MYCBP2: variants seen among roughly 807,000 people sequenced by gnomAD.
MYCBP2 encodes the protein MYC binding protein 2.
In MYCBP2, 120 loss-of-function variants were observed where a neutral mutation model predicts 525.3. The observed-to-expected ratio is 0.23, with a 90% CI of 0.20 to 0.27. The LOEUF is 0.27. MYCBP2 is among the 10% of genes least tolerant of loss of function. The pLI is 1.00. For missense variants in MYCBP2, 4,149 were observed against 5,657.1 expected, an observed-to-expected ratio of 0.73 and a Z score of 8.55; for synonymous variants, 1,894 against 1,955.8, an observed-to-expected ratio of 0.97 and a Z score of 0.83.
In MYCBP2 at chr13:77,185,852, T is replaced by A. The variant is rs1566851069; in HGVS notation, c.4444+19A>T. ...CTAATATTTTCTCCCTATAGTCATT[T>A]AAAAAAAATGCATCATACCTGACAC... On this transcript the variant is annotated intron_variant, in intron 31 of 82. Coordinates refer to ENST00000544440, the MANE Select transcript of MYCBP2 (RefSeq NM_015057.5). 2 of 1,519,702 alleles carry A rather than the reference T, an allele frequency of 1.3e-6. No homozygotes were observed. Among genetic ancestry groups the A allele is most frequent in the Non-Finnish European group, 1.8e-6 (2 of 1,132,112 alleles). 94.1% of individuals were successfully genotyped at this position (1,519,702 alleles called of 1,614,324 possible).
intron 44 of MYCBP2, among the ~76,000 whole-genome samples, 157 bp downstream of exon 44, chr13:77,161,749 A>T (rs2057951602): frequency 6.6e-6 from 1 of 152,206 alleles, no homozygotes. Flanking sequence ...CTCCCACCAA[A>T]GGGAGCAATG....
At chr13:77,055,143 AAAG>A (rs33953434) in intron 80 of MYCBP2, among the ~76,000 whole-genome samples, 63,730 of 149,342 alleles carry the variant, frequency 0.43, 16,805 homozygotes, top group Non-Finnish European at 0.61. Flanking sequence ...AAAAAAAAAA[AAAG>A]AAGAAGTAGT....
chr13:77,072,790 GT>G (rs1211087553), intron 68 of MYCBP2, among the ~76,000 whole-genome samples: 1 of 152,136 alleles, frequency 6.6e-6, no homozygotes, highest in Admixed American at 6.5e-5. Flanking sequence ...AATTGCTTGA[GT>G]GTCAGAACTA....
chr13:77,174,851 A>G (rs1198312313), intron 36 of MYCBP2, among the ~76,000 whole-genome samples: 1 of 132,608 alleles, frequency 7.5e-6, no homozygotes, highest in African/African-American at 3.2e-5. Context: ...AACACAACCA[A>G]TGTAACTAGT....
Position 77,090,180 on chromosome 13 carries a change from T to C in MYCBP2, c.10451A>G (p.Tyr3484Cys). ...QRSYSVVASE[Y>C]DKQHSILPAR... Reference sequence around the variant, plus strand: ...AGGTAAAATGGAGTGTTGTTTATCATATTCGGAAGCAACAACTGAGTATGA... The same window carrying C: ...AGGTAAAATGGAGTGTTGTTTATCACATTCGGAAGCAACAACTGAGTATGA... Residue 3484 changes from tyrosine (Y) to cysteine (C), a missense_variant, in exon 60 of 83, where the codon TAT becomes TGT. By Grantham distance (194) the Tyr-to-Cys change is radical. This residue lies in a region of MYCBP2 where 509 missense variants were observed against 789.4 expected (regional missense o/e 0.64). Coordinates refer to ENST00000544440, the MANE Select transcript of MYCBP2 (RefSeq NM_015057.5). 6.2e-7 allele frequency: 1 copy of C among 1,612,918 alleles called. No homozygotes were observed. The highest frequency in any genetic ancestry group is 8.5e-7 in the Non-Finnish European group (1 of 1,179,268).
intron 37 of MYCBP2, among the ~76,000 whole-genome samples, chr13:77,172,280 T>C (rs960995959): frequency 6.6e-6 from 1 of 151,752 alleles, no homozygotes; most frequent in Admixed American, 6.6e-5. Context: ...TACTGGTGAA[T>C]TAAAGGAACA....
intron 1 of MYCBP2, among the ~76,000 whole-genome samples, chr13:77,312,212 C>CTGGGG (rs2080338120): frequency 6.6e-6 from 1 of 152,086 alleles, no homozygotes; most frequent in South Asian, 2.1e-4. Flanking sequence ...AATGTATCCC[C>CTGGGG]AGCAGACTGA....
chr13:77,225,582 G>A, intron 18 of MYCBP2, 28 bp from the exon 19 acceptor site: 1 of 1,610,922 alleles, frequency 6.2e-7, no homozygotes, highest in Non-Finnish European at 8.5e-7. Context: ...TGTGAATTAT[G>A]ATTAAGCCAT....
chr13:77,187,681 TAAG>T (rs879174126), intron 30 of MYCBP2, among the ~76,000 whole-genome samples: 2 of 152,178 alleles, frequency 1.3e-5, no homozygotes, highest in Admixed American at 1.3e-4. Context: ...GTAAGTATCG[TAAG>T]AAACAAGCAA....
At chr13:77,147,790 C>T (rs2055841337) in intron 47 of MYCBP2, among the ~76,000 whole-genome samples, 1 of 151,966 alleles carries the variant, frequency 6.6e-6, no homozygotes, top group Admixed American at 6.6e-5. Flanking sequence ...AAGAAGAGAC[C>T]ATATTTCATC....
At chr13:77,183,702 C>T (rs543864946) in intron 32 of MYCBP2, among the ~76,000 whole-genome samples, 1 of 151,762 alleles carries the variant, frequency 6.6e-6, no homozygotes, top group Admixed American at 6.6e-5. Context: ...CAGCTGTGCA[C>T]CACCATGCCT....
intron 7 of MYCBP2, 119 bp from the exon 8 acceptor site, chr13:77,268,056 TAAAAGA>T: frequency 1.7e-6 from 1 of 602,416 alleles, no homozygotes; most frequent in Non-Finnish European, 2.9e-6. Flanking sequence ...TATTGATGTC[TAAAAGA>T]TATTAATGAT....
Position 77,097,541 on chromosome 13 carries a change from ACTT to A in MYCBP2, c.9610_9612del (p.Lys3204del). On this transcript the variant is annotated inframe_deletion, in exon 56 of 83. Transcript: ENST00000544440. ...TCTTTTTTCTTTTTTTCCTTTTTGG[ACTT>A]CTTATTCTCTTTCTCACACTCTTTC... is the stretch of plus-strand genomic sequence containing the variant. 1 of 1,611,966 alleles carries A rather than the reference ACTT, an allele frequency of 6.2e-7. No individual in the cohort carries two copies. The highest frequency in any genetic ancestry group is 8.5e-7 in the Non-Finnish European group (1 of 1,179,374).
chr13:77,291,499 A>C (rs1221053866), intron 2 of MYCBP2, among the ~76,000 whole-genome samples: 1 of 152,202 alleles, frequency 6.6e-6, no homozygotes, highest in Non-Finnish European at 1.5e-5. Context: ...GGCCGGGTGC[A>C]GTGACTCACG....
intron 62 of MYCBP2, among the ~76,000 whole-genome samples, chr13:77,083,442 C>G (rs2043652764): frequency 6.6e-6 from 1 of 152,050 alleles, no homozygotes; most frequent in African/African-American, 2.4e-5. Flanking sequence ...AGTGTACTCA[C>G]AAAGATACCT....
Position 77,051,722 on chromosome 13 carries a change from C to T in MYCBP2, c.13755+89G>A, listed in dbSNP as rs982675450. The stretch of plus-strand genomic sequence containing the variant: ...ATCAGAAAATACTGAGGAGAAAAGC[C>T]TGATTTACATTCCCACCATATTATT... On this transcript the variant is annotated intron_variant, in intron 81 of 82. Coordinates refer to ENST00000544440, the MANE Select transcript of MYCBP2 (RefSeq NM_015057.5). 5.4e-6 allele frequency: 5 copies of T among 932,708 alleles called. No individual in the cohort carries two copies. In the African/African-American group the frequency reaches 8.3e-5, roughly 16 times the overall value. The allele number at this position is 932,708 out of a possible 1,614,324, so 57.8% of individuals were successfully genotyped here.
chr13:77,278,041 A>G (rs2075816085), intron 4 of MYCBP2, among the ~76,000 whole-genome samples: 1 of 152,230 alleles, frequency 6.6e-6, no homozygotes, highest in Non-Finnish European at 1.5e-5. Context: ...CTTTAAGAAA[A>G]GCGAACACTT....
intron 17 of MYCBP2, among the ~76,000 whole-genome samples, chr13:77,239,366 G>A (rs761394967): frequency 1.9e-4 from 29 of 152,038 alleles, no homozygotes; most frequent in Non-Finnish European, 3.1e-4. Flanking sequence ...TATGGCAGCC[G>A]GAACACTAAC....
intron 68 of MYCBP2, among the ~76,000 whole-genome samples, chr13:77,071,271 G>GCA (rs71814048): frequency 0.11 from 15,096 of 142,608 alleles, 808 homozygotes; most frequent in African/African-American, 0.15. Flanking sequence ...GTGTGCACAC[G>GCA]CACACACACA....
Sources: gnomAD v4.1 joint callset for allele counts (sites outside exome capture counted in the v4.1 genomes callset) on GRCh38, gnomAD v4.1.1 for gene constraint, gnomAD v4.1.1 regional missense constraint, MANE v1.5 for transcripts, NCBI Gene and HGNC (gene_info 2026-07-23, HGNC 2026-07-21) for gene names.